Variants in ZSWIM9 observed in about 807,000 individuals in gnomAD.
The protein encoded by ZSWIM9 is zinc finger SWIM-type containing 9.
Under a neutral mutation model 25.0 loss-of-function variants are expected in ZSWIM9, and 11 were observed. The observed-to-expected ratio is 0.44, with a 90% CI of 0.28 to 0.73. ZSWIM9 has a LOEUF of 0.73. ZSWIM9 is among the 30% of genes least tolerant of loss of function. ZSWIM9 has a pLI of 0.16. For synonymous variants in ZSWIM9, 562 were observed against 582.1 expected, an observed-to-expected ratio of 0.97 and a Z score of 0.50; for missense variants, 1,070 against 1,296.5, an observed-to-expected ratio of 0.83 and a Z score of 2.68.
rs1367150089 is a variant in ZSWIM9 at position 48,195,672 on chromosome 19, G to A, written c.1608G>A (p.Leu536=). ...GRLENQKPRG[L]EGGVLRGSKL... is the part of the protein sequence containing the mutation. ...TGGAGAATCAGAAGCCGAGGGGACTGGAAGGGGGTGTCTTGAGAGGGTCGA... is the reference window on the plus strand; with the variant it reads ...TGGAGAATCAGAAGCCGAGGGGACTAGAAGGGGGTGTCTTGAGAGGGTCGA... Residue 536 remains leucine, a synonymous_variant, in exon 4 of 4, where the codon CTG becomes CTA. Transcript: ENST00000614654. The surrounding 1 kb of genome is among the most constrained non-coding windows in gnomAD (Gnocchi z 5.8). 2.7e-5 allele frequency: 39 copies of A among 1,441,064 alleles called. No individual in the cohort carries two copies. Among genetic ancestry groups the A allele is most frequent in the Non-Finnish European group, 3.4e-5 (38 of 1,103,994 alleles). The allele number at this position is 1,441,064 out of a possible 1,614,324, so 89.3% of individuals were successfully genotyped here.
chr19:48,176,439 T>G (rs2036893766), intron 2 of ZSWIM9, among the ~76,000 whole-genome samples: 1 of 152,078 alleles, frequency 6.6e-6, no homozygotes, highest in Admixed American at 6.6e-5. Flanking sequence ...ACAGAATGCT[T>G]AAAGATTGTT....
intron 3 of ZSWIM9, among the ~76,000 whole-genome samples, chr19:48,191,249 G>T (rs1181961337): frequency 6.6e-6 from 1 of 152,100 alleles, no homozygotes; most frequent in East Asian, 1.9e-4. Context: ...CTGTCGCCCA[G>T]GCTGGAGTAC....
At chr19:48,183,406 C>T (rs1016323188) in intron 3 of ZSWIM9, among the ~76,000 whole-genome samples, 5 of 151,944 alleles carry the variant, frequency 3.3e-5, no homozygotes, top group African/African-American at 7.3e-5. Context: ...GGATTACAGG[C>T]GAGAGCCACC....
intron 3 of ZSWIM9, chr19:48,192,082 T>G (rs1327302084): frequency 1.3e-5 from 2 of 154,522 alleles, no homozygotes; most frequent in African/African-American, 4.8e-5. Context: ...AGAAACTACT[T>G]CATGTGTGCT....
intron 3 of ZSWIM9, among the ~76,000 whole-genome samples, chr19:48,191,079 A>AGT (rs1365989835): frequency 9.6e-5 from 11 of 114,256 alleles, no homozygotes; most frequent in Non-Finnish European, 1.3e-4. Context: ...GAGAAAGTGC[A>AGT]GTGTGTATGT....
rs1472654239 is a variant in ZSWIM9, at chr19:48,171,792, A to G, written c.-9-2A>G. ...CCACCTGTTCTCCCCTCCTCCACGC[A>G]GGCCCCCAGGATGGAGCGGCCGGAG... On this transcript the variant is annotated splice_acceptor_variant, in intron 1 of 3. Coordinates refer to ENST00000614654, the MANE Select transcript of ZSWIM9 (RefSeq NM_199341.4). LOFTEE classifies it low-confidence loss of function (5UTR_SPLICE). The G allele has an allele frequency of 2.0e-6, 3 of 1,527,528 alleles. No individual in the cohort carries two copies. Among genetic ancestry groups the G allele is most frequent in the Non-Finnish European group, 2.6e-6 (3 of 1,142,940 alleles). The allele number at this position is 1,527,528 out of a possible 1,614,324, so 94.6% of individuals were successfully genotyped here.
chr19:48,186,602 G>A (rs56345112), intron 3 of ZSWIM9: 25,791 of 154,770 alleles, frequency 0.17, 2,866 homozygotes, highest in African/African-American at 0.32. Context: ...CACCCGGCCT[G>A]TACATGCTGT....
At chr19:48,183,897 G>A (rs577283236) in intron 3 of ZSWIM9, among the ~76,000 whole-genome samples, 9 of 151,030 alleles carry the variant, frequency 6.0e-5, no homozygotes, top group East Asian at 2.0e-4. Context: ...GTCCTGCTTC[G>A]GCCTCCCAAA....
intron 2 of ZSWIM9, 50 bp downstream of exon 2, chr19:48,172,127 G>A: frequency 2.2e-6 from 3 of 1,369,348 alleles, no homozygotes; most frequent in Non-Finnish European, 2.9e-6. Context: ...GAGCACCGGG[G>A]GTGGGTGTGG....
At chr19:48,172,853 C>T (rs1469747958) in intron 2 of ZSWIM9, among the ~76,000 whole-genome samples, 2 of 151,362 alleles carry the variant, frequency 1.3e-5, no homozygotes, top group Non-Finnish European at 2.9e-5. Context: ...AGAGGCAGAG[C>T]GTAAAACACA....
At chr19:48,188,259 G>A (rs369655949) in intron 3 of ZSWIM9, among the ~76,000 whole-genome samples, 1 of 150,934 alleles carries the variant, frequency 6.6e-6, no homozygotes, top group East Asian at 2.0e-4. Flanking sequence ...GTCTCGCTCT[G>A]TCTCCCAGGC....
At chr19:48,184,955 A>G (rs1175659538) in intron 3 of ZSWIM9, among the ~76,000 whole-genome samples, 3 of 152,004 alleles carry the variant, frequency 2.0e-5, no homozygotes, top group Non-Finnish European at 4.4e-5. Flanking sequence ...CCATGACATA[A>G]ATAAGCCTCA....
At position 48,195,366 on chromosome 19, in the gene ZSWIM9, G is replaced by A. The variant is rs1268759209; in HGVS notation, c.1302G>A (p.Gln434=). ...AQCLRDLVAM[Q]WADAAGEAVP... ...GCCTTCGCGACCTGGTGGCCATGCA[G>A]TGGGCCGACGCGGCCGGGGAGGCGG... is the stretch of plus-strand genomic sequence containing the variant. Residue 434 remains glutamine (Q), a synonymous_variant, in exon 4 of 4, where the codon CAG becomes CAA. Coordinates refer to ENST00000614654, the MANE Select transcript of ZSWIM9 (RefSeq NM_199341.4). This position sits in a 1 kb window ranked among gnomAD's most constrained non-coding sequence, Gnocchi z 5.8. 2 of 1,515,584 alleles carry A rather than the reference G, an allele frequency of 1.3e-6. No individual in the cohort carries two copies. Among genetic ancestry groups the A allele is most frequent in the South Asian group, 1.2e-5 (1 of 81,520 alleles). 93.9% of individuals were successfully genotyped at this position (1,515,584 alleles called of 1,614,324 possible). A position where few individuals can be genotyped will look rare whatever the true frequency, so the allele number is the denominator to read the frequency against.
intron 2 of ZSWIM9, chr19:48,181,390 C>T (rs188191980): frequency 6.6e-6 from 1 of 152,242 alleles, no homozygotes; most frequent in Non-Finnish European, 1.5e-5. Flanking sequence ...GCTTCTTTCA[C>T]TTGGTAGGTT....
In ZSWIM9 at chr19:48,195,084, G is replaced by C; in HGVS notation, c.1020G>C (p.Pro340=). 2 of 1,403,972 alleles carry C rather than the reference G, an allele frequency of 1.4e-6. No homozygotes were observed. Among genetic ancestry groups the C allele is most frequent in the Non-Finnish European group, 9.2e-7 (1 of 1,089,014 alleles). The allele number at this position is 1,403,972 out of a possible 1,614,324, so 87.0% of individuals were successfully genotyped here. A position where few individuals can be genotyped will look rare whatever the true frequency, so the allele number is the denominator to read the frequency against. ...QELGGAGRED[P]GLWSRLCRLA... is the part of the protein sequence containing the mutation. ...TGGGCGGCGCCGGCCGCGAGGACCCGGGCCTGTGGTCGCGCCTGTGCCGCC... is the reference window on the plus strand; with the variant it reads ...TGGGCGGCGCCGGCCGCGAGGACCCCGGCCTGTGGTCGCGCCTGTGCCGCC... Residue 340 remains proline, a synonymous_variant, in exon 4 of 4, where the codon CCG becomes CCC. Transcript: ENST00000614654. This position sits in a 1 kb window ranked among gnomAD's most constrained non-coding sequence, Gnocchi z 5.8.
intron 1 of ZSWIM9, among the ~76,000 whole-genome samples, chr19:48,171,069 TGG>T (rs2036793515): frequency 1.3e-5 from 2 of 151,976 alleles, no homozygotes; most frequent in South Asian, 4.2e-4. Context: ...TAGCCACAAG[TGG>T]GGCACACACC....
intron 2 of ZSWIM9, chr19:48,181,112 A>G (rs2036944708): frequency 6.6e-6 from 1 of 151,920 alleles, no homozygotes; most frequent in Non-Finnish European, 1.5e-5. Context: ...TTCGAAGTAG[A>G]CTTTTAAAAA....
chr19:48,195,635 G>A lies in ZSWIM9; in HGVS notation c.1571G>A (p.Arg524Lys), dbSNP rs1460074882. 4.2e-6 allele frequency: 6 copies of A among 1,424,324 alleles called. No individual in the cohort carries two copies. Among genetic ancestry groups the A allele is most frequent in the Non-Finnish European group, 5.5e-6 (6 of 1,095,556 alleles). The allele number at this position is 1,424,324 out of a possible 1,614,324, so 88.2% of individuals were successfully genotyped here. A position where few individuals can be genotyped will look rare whatever the true frequency, so the allele number is the denominator to read the frequency against. Reference sequence around the variant, plus strand: ...AGGGCACTGCAGATCAGAGATTGGAGAGGGGGTCGGTTGGAGAATCAGAAG... The same window carrying A: ...AGGGCACTGCAGATCAGAGATTGGAAAGGGGGTCGGTTGGAGAATCAGAAG... Reference protein sequence around the residue: ...KGRALQIRDWRGGRLENQKPR... With the variant: ...KGRALQIRDWKGGRLENQKPR... Residue 524 changes from arginine to lysine, a missense_variant, in exon 4 of 4, where the codon AGA becomes AAA. Arg to Lys is a conservative substitution (Grantham distance 26, BLOSUM62 2). Coordinates refer to ENST00000614654, the MANE Select transcript of ZSWIM9 (RefSeq NM_199341.4). The surrounding 1 kb of genome is among the most constrained non-coding windows in gnomAD (Gnocchi z 5.8).
chr19:48,194,867 C>G lies in ZSWIM9; in HGVS notation c.803C>G (p.Pro268Arg). The G allele has an allele frequency of 7.4e-7, 1 of 1,352,234 alleles. No homozygotes were observed. The allele number at this position is 1,352,234 out of a possible 1,614,324, so 83.8% of individuals were successfully genotyped here. The change falls in exon 4 of 4, where the codon CCG (proline) becomes CGG (arginine). Residue 268 changes from proline (P) to arginine (R), a missense_variant. Transcript: ENST00000614654. This position sits in a 1 kb window ranked among gnomAD's most constrained non-coding sequence, Gnocchi z 6.0. ...AACCVARPGT[P>R]SLLRFALASL... ...TGCTGCGTGGCGCGCCCGGGCACAC[C>G]GAGCCTGCTGCGCTTCGCGCTCGCG...
Sources: allele counts gnomAD v4.1 joint callset (sites outside exome capture counted in the v4.1 genomes callset), GRCh38; gene constraint gnomAD v4.1.1; non-coding constraint Gnocchi (gnomAD v3.1); transcripts MANE v1.5; gene names NCBI Gene and HGNC (gene_info 2026-07-23, HGNC 2026-07-21).